Variants in ARPP21 observed in about 807,000 individuals in gnomAD.
ARPP21 encodes cAMP regulated phosphoprotein 21, also known as cAMP-regulated phosphoprotein 21.
Under a neutral mutation model 113.2 loss-of-function variants are expected in ARPP21, and 69 were observed. That is an observed-to-expected ratio of 0.61 (90% CI 0.50 to 0.74). The LOEUF is 0.74. Ranked by LOEUF, ARPP21 falls within the 30% of genes least tolerant of loss-of-function variation. ARPP21 has a pLI of 0.00. For synonymous variants in ARPP21, 368 were observed against 375.5 expected (o/e 0.98, Z 0.23); for missense variants, 1,070 against 1,037.4 (o/e 1.03, Z -0.43).
chr3:35,663,186 C>T (rs967355889), intron 1 of ARPP21, among the ~76,000 whole-genome samples: 5 of 152,000 alleles, frequency 3.3e-5, no homozygotes, highest in East Asian at 3.9e-4. Flanking sequence ...CTAGAGCAGA[C>T]GTATCTAAAT....
At chr3:35,784,828 T>A (rs540974892) in intron 19 of ARPP21, 1 of 152,334 alleles carries the variant, frequency 6.6e-6, no homozygotes, top group South Asian at 2.1e-4. Flanking sequence ...CATCAGTTGC[T>A]TATGAAATAA....
chr3:35,671,355 T>G (rs1336047352), intron 1 of ARPP21, among the ~76,000 whole-genome samples: 1 of 152,196 alleles, frequency 6.6e-6, no homozygotes, highest in Non-Finnish European at 1.5e-5. Context: ...TCAAATGAAT[T>G]ATTTTATATT....
intron 14 of ARPP21, among the ~76,000 whole-genome samples, chr3:35,722,424 G>T (rs890225918): frequency 1.3e-5 from 2 of 152,170 alleles, no homozygotes; most frequent in Non-Finnish European, 2.9e-5. Context: ...TACCTATATT[G>T]TAGAAATATT....
chr3:35,679,743 A>G (rs1193310565), intron 1 of ARPP21, 44 bp from the exon 2 acceptor site: 1 of 152,082 alleles, frequency 6.6e-6, no homozygotes, highest in Non-Finnish European at 1.5e-5. Context: ...TCACCCTACC[A>G]TGATTATTGC....
chr3:35,713,595 T>A (rs981461069), intron 11 of ARPP21, among the ~76,000 whole-genome samples: 9 of 152,140 alleles, frequency 5.9e-5, no homozygotes, highest in Non-Finnish European at 1.2e-4. Context: ...GGTTTCACCA[T>A]GTTGCCCACG....
intron 15 of ARPP21, among the ~76,000 whole-genome samples, chr3:35,731,622 T>C (rs994133455): frequency 1.3e-5 from 2 of 151,622 alleles, no homozygotes; most frequent in African/African-American, 4.9e-5. Context: ...ATATAATGCA[T>C]GTTATATATA....
At chr3:35,779,689 A>T (rs1382983606) in intron 19 of ARPP21, among the ~76,000 whole-genome samples, 1 of 152,152 alleles carries the variant, frequency 6.6e-6, no homozygotes, top group Non-Finnish European at 1.5e-5. Context: ...TCTTTTAGGT[A>T]AACTGTTAAA....
intron 19 of ARPP21, chr3:35,744,591 G>A (rs1358851100): frequency 1.2e-5 from 6 of 506,460 alleles, no homozygotes; most frequent in South Asian, 9.0e-5. Context: ...TATCCAAAGA[G>A]CAGCACGAAC....
chr3:35,668,251 G>A (rs886162827), intron 1 of ARPP21, among the ~76,000 whole-genome samples: 3 of 152,100 alleles, frequency 2.0e-5, no homozygotes, highest in Non-Finnish European at 4.4e-5. Flanking sequence ...AAATAAAATG[G>A]AAACCTAAAA....
In ARPP21 at chr3:35,689,398, A is replaced by G. The variant is rs1401078037; in HGVS notation, c.485+13A>G. 5.6e-6 allele frequency: 7 copies of G among 1,241,114 alleles called. No individual in the cohort carries two copies. Among genetic ancestry groups the G allele is most frequent in the Non-Finnish European group, 8.3e-6 (7 of 841,592 alleles). 76.9% of individuals were successfully genotyped at this position (1,241,114 alleles called of 1,614,324 possible). On this transcript the variant is annotated intron_variant, in intron 7 of 20. Transcript: ENST00000684406. ...AGAATAATTCCAGGTAAATTATTAAATGAGCCTCTTATTTTTAGAAGGATC... is the reference window on the plus strand; with the variant it reads ...AGAATAATTCCAGGTAAATTATTAAGTGAGCCTCTTATTTTTAGAAGGATC...
At chr3:35,749,944 C>A (rs2095339739) in intron 19 of ARPP21, among the ~76,000 whole-genome samples, 1 of 151,874 alleles carries the variant, frequency 6.6e-6, no homozygotes, top group African/African-American at 2.4e-5. Context: ...TAACTTCTCT[C>A]TTTTTATTTT....
intron 13 of ARPP21, among the ~76,000 whole-genome samples, chr3:35,719,283 G>A (rs1211390738): frequency 6.6e-6 from 1 of 152,088 alleles, no homozygotes; most frequent in Non-Finnish European, 1.5e-5. Context: ...TAAATACCTA[G>A]GAATCATAAA....
intron 13 of ARPP21, among the ~76,000 whole-genome samples, chr3:35,718,312 T>C (rs1235566134): frequency 1.3e-5 from 2 of 152,174 alleles, no homozygotes; most frequent in Non-Finnish European, 2.9e-5. Context: ...ACTATTAAGT[T>C]TATTATGAAG....
At position 35,681,885 on chromosome 3, in the gene ARPP21, G is replaced by C. The variant is rs2079018260; in HGVS notation, c.129+5G>C. On this transcript the variant is annotated splice_donor_5th_base_variant and intron_variant, in intron 3 of 20. Coordinates refer to ENST00000684406, the MANE Select transcript of ARPP21 (RefSeq NM_001385562.1). ...GAGGAGAAACTGGAACTGCAGGTGA[G>C]TGAGCATGAAGAGACCCTGACTCTC... 1.2e-6 allele frequency: 2 copies of C among 1,611,504 alleles called. No individual in the cohort carries two copies. The highest frequency in any genetic ancestry group is 1.1e-5 in the South Asian group (1 of 90,958).
intron 20 of ARPP21, 149 bp from the exon 21 acceptor site, chr3:35,793,552 T>C (rs1431474277): frequency 1.1e-5 from 7 of 635,274 alleles, no homozygotes; most frequent in East Asian, 2.7e-5. Context: ...ACTTTCCTAA[T>C]GTGAAACAGC....
At chr3:35,735,050 G>A (rs2094254702) in intron 15 of ARPP21, among the ~76,000 whole-genome samples, 1 of 152,124 alleles carries the variant, frequency 6.6e-6, no homozygotes, top group African/African-American at 2.4e-5. Flanking sequence ...AATATCGTAT[G>A]TACTTTTTTT....
At chr3:35,758,866 G>A (rs556441707) in intron 19 of ARPP21, among the ~76,000 whole-genome samples, 3 of 152,172 alleles carry the variant, frequency 2.0e-5, no homozygotes, top group South Asian at 4.1e-4. Context: ...AAAAGTGTGT[G>A]TGTGTGCATG....
intron 11 of ARPP21, 50 bp downstream of exon 11, chr3:35,709,120 T>A: frequency 7.9e-7 from 1 of 1,271,348 alleles, no homozygotes. Context: ...CCAACAGCAG[T>A]AAGGCTTCCT....
intron 2 of ARPP21, among the ~76,000 whole-genome samples, chr3:35,680,473 T>G (rs1002025234): frequency 1.3e-5 from 2 of 151,944 alleles, no homozygotes; most frequent in Admixed American, 1.3e-4. Context: ...TACCATCTGT[T>G]TTGTCATGGT....
Sources: allele counts gnomAD v4.1 joint callset (sites outside exome capture counted in the v4.1 genomes callset), GRCh38; gene constraint gnomAD v4.1.1; transcripts MANE v1.5; gene names NCBI Gene and HGNC (gene_info 2026-07-23, HGNC 2026-07-21).